Variants in WWOX observed in about 807,000 individuals in gnomAD.
WWOX encodes the protein WW domain containing oxidoreductase, also known as WW domain-containing oxidoreductase.
A neutral mutation model predicts 46.2 loss-of-function variants in WWOX; 69 were observed. That is an observed-to-expected ratio of 1.49 (90% CI 1.23 to 1.82). The LOEUF (loss-of-function observed/expected upper bound fraction) is 1.82, where lower values mean the gene tolerates loss of function less well. WWOX is among the 40% of genes most tolerant of loss of function. The pLI is 0.00. For missense variants in WWOX, 919 were observed against 542.6 expected, an observed-to-expected ratio of 1.69 and a Z score of -6.89; for synonymous variants, 359 against 202.6, an observed-to-expected ratio of 1.77 and a Z score of -6.56.
chr16:79,101,540 A>G (rs536043477), intron 8 of WWOX: 1 of 152,186 alleles, frequency 6.6e-6, no homozygotes, highest in Non-Finnish European at 1.5e-5. Flanking sequence ...AAGTGGGTCT[A>G]CAGTGGGTCC....
At chr16:78,754,287 A>G (rs1460647909) in intron 8 of WWOX, among the ~76,000 whole-genome samples, 2 of 152,094 alleles carry the variant, frequency 1.3e-5, no homozygotes, top group Non-Finnish European at 2.9e-5. Context: ...ATGAGCAATC[A>G]GTGAGTTTCA....
chr16:78,681,394 ACT>A lies in WWOX; in HGVS notation c.1056+248645_1056+248646del, dbSNP rs528739307. Among the ~76,000 whole-genome samples, 9 of 152,226 alleles carry A rather than the reference ACT, an allele frequency of 5.9e-5. No homozygotes were observed. The South Asian group carries it at 1.7e-3, about 28-fold the overall frequency. ...ACATCAGTCTGGGTGACAGAGCGAG[ACT>A]CTGTCTCAAAAAACCAAAACAAAGG... On this transcript the variant is annotated intron_variant, in intron 8 of 8. Transcript: ENST00000566780.
rs2084322015 is a variant in WWOX at position 78,475,063 on chromosome 16, G to T, written c.1056+42311G>T. Among the ~76,000 whole-genome samples, 3 of 152,122 alleles carry T rather than the reference G, an allele frequency of 2.0e-5. No individual in the cohort carries two copies. The South Asian group carries it at 6.2e-4, about 32-fold the overall frequency. The stretch of plus-strand genomic sequence containing the variant: ...ATAGCCAGGCATTCTAAATGTGTTT[G>T]TCAGGTGCATAAATCTGTGACTGAT... On this transcript the variant is annotated intron_variant, in intron 8 of 8. Coordinates refer to ENST00000566780, the MANE Select transcript of WWOX (RefSeq NM_016373.4).
intron 4 of WWOX, among the ~76,000 whole-genome samples, chr16:78,120,212 A>AT (rs1321318153): frequency 6.6e-6 from 1 of 152,208 alleles, no homozygotes; most frequent in Non-Finnish European, 1.5e-5. Context: ...ATTTTGAGGT[A>AT]TAAAAAGTAC....
chr16:78,361,744 T>C (rs1311721989), intron 5 of WWOX, among the ~76,000 whole-genome samples: 5 of 152,146 alleles, frequency 3.3e-5, no homozygotes, highest in Non-Finnish European at 7.3e-5. Context: ...CCCAAGGAGC[T>C]GGGATTACAG....
At chr16:78,805,558 C>G (rs1405196799) in intron 8 of WWOX, among the ~76,000 whole-genome samples, 2 of 151,192 alleles carry the variant, frequency 1.3e-5, no homozygotes, top group Non-Finnish European at 2.9e-5. Flanking sequence ...GCTGGGATTA[C>G]AGGCGTGAGC....
chr16:78,969,227 A>G (rs1261724433), intron 8 of WWOX, among the ~76,000 whole-genome samples: 1 of 151,814 alleles, frequency 6.6e-6, no homozygotes, highest in Non-Finnish European at 1.5e-5. Flanking sequence ...CAAAGTCAAG[A>G]AAATAACACT....
chr16:78,573,046 G>C (rs144250474), intron 8 of WWOX, among the ~76,000 whole-genome samples: 6,002 of 152,286 alleles, frequency 0.039, 149 homozygotes, highest in African/African-American at 0.066. Flanking sequence ...CCAGCACTTT[G>C]GGAGGCCAAG....
intron 8 of WWOX, among the ~76,000 whole-genome samples, chr16:78,782,484 A>T (rs2050354947): frequency 6.6e-6 from 1 of 152,154 alleles, no homozygotes; most frequent in South Asian, 2.1e-4. Flanking sequence ...ATACTCTCCC[A>T]GAGTAGGGAG....
chr16:78,176,437 C>T (rs1301969336), intron 5 of WWOX, among the ~76,000 whole-genome samples: 2 of 152,174 alleles, frequency 1.3e-5, no homozygotes, highest in East Asian at 1.9e-4. Context: ...ATGAAGAGCA[C>T]AGTCTTCTTT....
intron 8 of WWOX, among the ~76,000 whole-genome samples, chr16:78,948,785 T>G (rs1310444649): frequency 1.3e-5 from 2 of 152,110 alleles, no homozygotes; most frequent in African/African-American, 4.8e-5. Context: ...AAAGGGACCT[T>G]GCAGATGTAA....
chr16:79,048,660 G>C (rs927965749), intron 8 of WWOX, among the ~76,000 whole-genome samples: 2 of 152,076 alleles, frequency 1.3e-5, no homozygotes, highest in African/African-American at 4.8e-5. Flanking sequence ...AGCATCAATT[G>C]CTTATTTGAG....
At chr16:79,099,908 G>T (rs1029272144) in intron 8 of WWOX, among the ~76,000 whole-genome samples, 1 of 152,144 alleles carries the variant, frequency 6.6e-6, no homozygotes. Context: ...GGGTTGCCTA[G>T]GCAAGTCTGA....
intron 8 of WWOX, among the ~76,000 whole-genome samples, chr16:79,039,125 TCTGA>T (rs1329610684): frequency 6.6e-6 from 1 of 152,142 alleles, no homozygotes; most frequent in Non-Finnish European, 1.5e-5. Context: ...AAATGAAAGT[TCTGA>T]CTGTTTTATT....
intron 8 of WWOX, among the ~76,000 whole-genome samples, chr16:78,906,442 C>A (rs1458105492): frequency 2.6e-5 from 4 of 152,136 alleles, no homozygotes; most frequent in Non-Finnish European, 5.9e-5. Flanking sequence ...CTAAAATTCT[C>A]TTCCCAGGAG....
At position 79,212,001 on chromosome 16, in the gene WWOX, G is replaced by C. The variant is rs534055627; in HGVS notation, c.*205G>C. On this transcript the variant is annotated 3_prime_UTR_variant, in exon 9 of 9. Coordinates refer to ENST00000566780, the MANE Select transcript of WWOX (RefSeq NM_016373.4). ...GGTAAAGTATCACTTTTCTGGGGCT[G>C]GGCTAGGCATAGGTCTCTTTGCTTT... The C allele has an allele frequency of 2.6e-6, 4 of 1,533,148 alleles. No homozygotes were observed. In the South Asian group the frequency reaches 3.6e-5, roughly 14 times the overall value. The allele number at this position is 1,533,148 out of a possible 1,614,324, so 95.0% of individuals were successfully genotyped here. A position where few individuals can be genotyped will look rare whatever the true frequency, so the allele number is the denominator to read the frequency against.
chr16:78,962,501 A>G (rs930114093), intron 8 of WWOX, among the ~76,000 whole-genome samples: 2 of 152,086 alleles, frequency 1.3e-5, no homozygotes, highest in African/African-American at 4.8e-5. Context: ...TTCACATTGC[A>G]TTTAAAGGCT....
intron 5 of WWOX, among the ~76,000 whole-genome samples, chr16:78,374,186 C>T (rs2081762106): frequency 1.3e-5 from 2 of 152,164 alleles, no homozygotes; most frequent in Non-Finnish European, 2.9e-5. Flanking sequence ...ATGATTCTTT[C>T]CTCCCTTTCT....
At position 78,231,104 on chromosome 16, in the gene WWOX, C is replaced by T. The variant is rs1485259494; in HGVS notation, c.516+66815C>T. Among the ~76,000 whole-genome samples the T allele has an allele frequency of 5.9e-5, 9 of 152,324 alleles. No homozygotes were observed. The South Asian group carries it at 1.5e-3, about 25-fold the overall frequency. On this transcript the variant is annotated intron_variant, in intron 5 of 8. Transcript: ENST00000566780. ...TTATGATTCTGGCAGCTTGACATCA[C>T]CCAACTGTTCTCTTTGTTTGGTTTT...
Sources: allele counts gnomAD v4.1 joint callset (sites outside exome capture counted in the v4.1 genomes callset), GRCh38; gene constraint gnomAD v4.1.1; transcripts MANE v1.5; gene names NCBI Gene and HGNC (gene_info 2026-07-23, HGNC 2026-07-21).